The following COMMD10 variants were observed in gnomAD, a reference collection of about 807,000 sequenced individuals.
The protein encoded by COMMD10 is COMM domain containing 10.
COMMD10 carries 33 observed loss-of-function variants against 28.9 expected under a neutral mutation model. That is an observed-to-expected ratio of 1.14 (90% CI 0.87 to 1.53). The LOEUF (loss-of-function observed/expected upper bound fraction) is 1.53, where lower values mean the gene tolerates loss of function less well. Ranked by LOEUF, COMMD10 falls within the 40% of genes most tolerant of loss-of-function variation. COMMD10 has a pLI of 0.00. For synonymous variants in COMMD10, 110 were observed against 81.7 expected, an observed-to-expected ratio of 1.35 and a Z score of -1.87; for missense variants, 310 against 233.4, an observed-to-expected ratio of 1.33 and a Z score of -2.14.
At chr5:116,143,697 T>A (rs1752260033) in intron 5 of COMMD10, among the ~76,000 whole-genome samples, 1 of 151,852 alleles carries the variant, frequency 6.6e-6, no homozygotes. Flanking sequence ...CATAAAAGTA[T>A]TAACAATGAA....
chr5:116,196,084 G>A lies in COMMD10; in HGVS notation c.510+61906G>A, dbSNP rs143632083. The stretch of plus-strand genomic sequence containing the variant: ...TTTGATCCAGCAATCCCACTACTGG[G>A]TATCTACCCAGAGGAAAAGAAGTCA... On this transcript the variant is annotated intron_variant, in intron 5 of 6. Coordinates refer to ENST00000274458, the MANE Select transcript of COMMD10 (RefSeq NM_016144.4). Among the ~76,000 whole-genome samples the A allele has an allele frequency of 8.0e-3, 1,223 of 152,258 alleles. 20 individuals are homozygous for A. Among genetic ancestry groups the A allele is most frequent in the African/African-American group, 0.028 (1,147 of 41,534 alleles).
intron 5 of COMMD10, among the ~76,000 whole-genome samples, chr5:116,153,796 G>A (rs976825552): frequency 6.6e-6 from 1 of 152,002 alleles, no homozygotes; most frequent in African/African-American, 2.4e-5. Context: ...TGTTTTGATA[G>A]CCATGAAACC....
chr5:116,237,055 C>T (rs906510398), intron 5 of COMMD10, among the ~76,000 whole-genome samples: 3 of 151,958 alleles, frequency 2.0e-5, no homozygotes, highest in Admixed American at 1.3e-4. Flanking sequence ...CAAGGTAGGC[C>T]TCATTGAGAA....
chr5:116,215,757 T>A (rs1224310986), intron 5 of COMMD10, among the ~76,000 whole-genome samples: 2 of 146,928 alleles, frequency 1.4e-5, no homozygotes, highest in Admixed American at 6.8e-5. Context: ...ATAAATATAG[T>A]ACTTTATTTA....
intron 5 of COMMD10, among the ~76,000 whole-genome samples, chr5:116,259,828 A>G (rs1297322690): frequency 1.3e-5 from 2 of 151,612 alleles, no homozygotes; most frequent in Non-Finnish European, 2.9e-5. Flanking sequence ...ATAGTCAGAA[A>G]TTGCATTTGG....
chr5:116,108,325 A>G (rs567158913), intron 4 of COMMD10, among the ~76,000 whole-genome samples: 7 of 152,202 alleles, frequency 4.6e-5, no homozygotes, highest in Non-Finnish European at 8.8e-5. Flanking sequence ...GGTTTTATCT[A>G]TAAGTCCCTG....
In COMMD10 at chr5:116,220,458, G is replaced by A. The variant is rs72804894; in HGVS notation, c.511-71059G>A. 3.1e-3 allele frequency among the ~76,000 whole-genome samples: 467 copies of A among 151,860 alleles called. 3 individuals are homozygous for A. Among genetic ancestry groups the A allele is most frequent in the Non-Finnish European group, 4.6e-3 (313 of 67,970 alleles). ...TTTTTCTTTGGAAGAGGTGAACATC[G>A]TAGATAATAAACTTTGGGAGTGTTA... On this transcript the variant is annotated intron_variant, in intron 5 of 6. Transcript: ENST00000274458.
chr5:116,090,110 T>C (rs1412435807), intron 2 of COMMD10, among the ~76,000 whole-genome samples: 1 of 141,620 alleles, frequency 7.1e-6, no homozygotes, highest in African/African-American at 2.7e-5. Flanking sequence ...TTGTCCAGAC[T>C]GGTTCCTTGG....
chr5:116,185,221 A>T (rs922204066), intron 5 of COMMD10, among the ~76,000 whole-genome samples: 12 of 137,614 alleles, frequency 8.7e-5, no homozygotes, highest in Non-Finnish European at 1.8e-4. Flanking sequence ...TTAAGAAAGC[A>T]TAGAATTTTT....
At chr5:116,253,568 T>G (rs1185257256) in intron 5 of COMMD10, among the ~76,000 whole-genome samples, 1 of 136,070 alleles carries the variant, frequency 7.3e-6, no homozygotes, top group Non-Finnish European at 1.6e-5. Flanking sequence ...GTGGTTTTTG[T>G]CTTTGGCTCT....
At chr5:116,140,053 C>T (rs1329831688) in intron 5 of COMMD10, among the ~76,000 whole-genome samples, 2 of 151,494 alleles carry the variant, frequency 1.3e-5, no homozygotes, top group Non-Finnish European at 3.0e-5. Context: ...TTTCCCTTTC[C>T]TTGTCTCTGA....
intron 5 of COMMD10, among the ~76,000 whole-genome samples, chr5:116,266,941 A>C (rs1331802169): frequency 6.6e-6 from 1 of 151,878 alleles, no homozygotes; most frequent in African/African-American, 2.4e-5. Context: ...TTGATGGGAT[A>C]TATCTCAAAA....
intron 5 of COMMD10, among the ~76,000 whole-genome samples, chr5:116,135,689 TG>T (rs1752005468): frequency 6.6e-6 from 1 of 152,184 alleles, no homozygotes. Flanking sequence ...TTATTATTGT[TG>T]TTAATCTCTT....
chr5:116,275,468 C>T (rs1580604787), intron 5 of COMMD10, among the ~76,000 whole-genome samples: 1 of 151,762 alleles, frequency 6.6e-6, no homozygotes, highest in South Asian at 2.1e-4. Flanking sequence ...CTATACTTTG[C>T]CTGTTAGGGC....
chr5:116,236,453 G>A lies in COMMD10; in HGVS notation c.511-55064G>A, dbSNP rs146165808. ...CAGGAGGCGGAGGTTGCGGTGTGCC[G>A]AGATCACACTACTGCACTCTAGCCT... On this transcript the variant is annotated intron_variant, in intron 5 of 6. Transcript: ENST00000274458. Among the ~76,000 whole-genome samples, 667 of 142,572 alleles carry A rather than the reference G, an allele frequency of 4.7e-3. 5 individuals are homozygous for A. Among genetic ancestry groups the A allele is most frequent in the African/African-American group, 0.016 (623 of 38,032 alleles). The allele number at this position is 142,572 out of a possible 152,430, so 93.5% of individuals were successfully genotyped here.
chr5:116,111,419 C>T (rs1228400675), intron 4 of COMMD10, among the ~76,000 whole-genome samples: 1 of 152,060 alleles, frequency 6.6e-6, no homozygotes, highest in African/African-American at 2.4e-5. Flanking sequence ...TGCAAAATTC[C>T]TTCTTAGCAC....
intron 5 of COMMD10, among the ~76,000 whole-genome samples, chr5:116,157,256 T>A (rs1347367664): frequency 6.6e-6 from 1 of 152,202 alleles, no homozygotes; most frequent in African/African-American, 2.4e-5. Flanking sequence ...GGCAGGACCT[T>A]ACCTTTGGTA....
At chr5:116,175,389 A>C (rs905760962) in intron 5 of COMMD10, among the ~76,000 whole-genome samples, 1 of 152,164 alleles carries the variant, frequency 6.6e-6, no homozygotes, top group African/African-American at 2.4e-5. Flanking sequence ...AAATGGCAGC[A>C]TGAAAAGAAT....
intron 5 of COMMD10, among the ~76,000 whole-genome samples, chr5:116,213,808 A>G (rs1749029295): frequency 6.6e-6 from 1 of 152,120 alleles, no homozygotes; most frequent in Non-Finnish European, 1.5e-5. Flanking sequence ...TAGTACAAAT[A>G]CCATGTTAAG....
Sources: gnomAD v4.1 joint callset for allele counts (sites outside exome capture counted in the v4.1 genomes callset) on GRCh38, gnomAD v4.1.1 for gene constraint, MANE v1.5 for transcripts, NCBI Gene and HGNC (gene_info 2026-07-23, HGNC 2026-07-21) for gene names.